The following CHD2 variants were observed in gnomAD, a reference collection of about 807,000 sequenced individuals.
CHD2 encodes the protein ATP-dependent chromatin remodeler CHD2.
A neutral mutation model predicts 243.9 loss-of-function variants in CHD2; 28 were observed. The ratio of observed to expected loss-of-function variants is 0.11; its 90% confidence interval spans 0.09 to 0.16. The LOEUF (loss-of-function observed/expected upper bound fraction) is 0.16. Among genes scored for constraint, CHD2 ranks in the 10% least tolerant of loss-of-function variants. The pLI, the probability that CHD2 is intolerant of heterozygous loss-of-function variation, is 1.00. For synonymous variants in CHD2, 775 were observed against 779.0 expected, an observed-to-expected ratio of 0.99 and a Z score of 0.09; for missense variants, 1,386 against 2,209.8, an observed-to-expected ratio of 0.63 and a Z score of 7.47.
intron 5 of CHD2, among the ~76,000 whole-genome samples, chr15:92,936,513 CTG>C (rs2053269745): frequency 6.6e-6 from 1 of 152,126 alleles, no homozygotes; most frequent in Non-Finnish European, 1.5e-5. Context: ...TAAACTAAAA[CTG>C]TTTGGGATAG....
intron 24 of CHD2, among the ~76,000 whole-genome samples, chr15:92,983,702 C>T (rs1035148997): frequency 3.3e-5 from 5 of 152,090 alleles, no homozygotes; most frequent in African/African-American, 7.2e-5. Flanking sequence ...AAATACATAT[C>T]GGATATTAAA....
At chr15:92,939,536 A>G (rs1488667832) in intron 6 of CHD2, 42 bp from the exon 7 acceptor site, 1 of 1,594,212 alleles carries the variant, frequency 6.3e-7, no homozygotes, top group Admixed American at 1.8e-5. Flanking sequence ...ACACCAAATG[A>G]TAAAGTGAAG....
At chr15:92,949,538 A>G (rs901423267) in intron 13 of CHD2, among the ~76,000 whole-genome samples, 4 of 152,066 alleles carry the variant, frequency 2.6e-5, no homozygotes, top group Non-Finnish European at 2.9e-5. Flanking sequence ...CTCCCTACCT[A>G]TATAGTCTGT....
intron 20 of CHD2, chr15:92,978,030 C>G (rs1436079358): frequency 3.4e-6 from 2 of 586,520 alleles, no homozygotes; most frequent in African/African-American, 1.9e-5. Flanking sequence ...TACTCCTGTT[C>G]ATGGCACTGA....
At chr15:92,958,695 C>T (rs943206880) in intron 16 of CHD2, among the ~76,000 whole-genome samples, 1 of 152,172 alleles carries the variant, frequency 6.6e-6, no homozygotes, top group Non-Finnish European at 1.5e-5. Context: ...TTTGACTTTT[C>T]AGTGGTATGA....
At chr15:92,973,036 A>G (rs764668099) in intron 19 of CHD2, among the ~76,000 whole-genome samples, 6 of 152,198 alleles carry the variant, frequency 3.9e-5, no homozygotes, top group Admixed American at 2.6e-4. Context: ...TTGCATGTGT[A>G]TGGTGAAAGT....
At chr15:92,961,103 T>G (rs1426439298) in intron 16 of CHD2, among the ~76,000 whole-genome samples, 1 of 152,180 alleles carries the variant, frequency 6.6e-6, no homozygotes, top group African/African-American at 2.4e-5. Flanking sequence ...GCTTTGGTTT[T>G]GGGATCATAA....
At position 93,010,220 on chromosome 15, in the gene CHD2, CTTG is replaced by C. The variant is rs575978974; in HGVS notation, c.4592+901_4592+903del. On this transcript the variant is annotated intron_variant, in intron 35 of 38. Coordinates refer to ENST00000394196, the MANE Select transcript of CHD2 (RefSeq NM_001271.4). ...GTATGTACCACATTTTCTTTATATA[CTTG>C]TTGGTTGATGGGCATTTAGGCTGGT... Among the ~76,000 whole-genome samples the C allele has an allele frequency of 3.2e-3, 493 of 152,176 alleles. 1 individual carries two copies. Among genetic ancestry groups the C allele is most frequent in the African/African-American group, 0.011 (471 of 41,508 alleles).
At chr15:92,974,365 T>A (rs941574402) in intron 19 of CHD2, among the ~76,000 whole-genome samples, 4 of 152,184 alleles carry the variant, frequency 2.6e-5, no homozygotes, top group African/African-American at 7.2e-5. Context: ...GGATATATGA[T>A]CAATTTTAAC....
chr15:92,914,830 A>G (rs1384786554), intron 2 of CHD2: 1 of 152,216 alleles, frequency 6.6e-6, no homozygotes, highest in Non-Finnish European at 1.5e-5. Flanking sequence ...GCATGGTGGA[A>G]CAATCGGTTT....
intron 16 of CHD2, among the ~76,000 whole-genome samples, chr15:92,958,548 A>G (rs539918722): frequency 1.3e-5 from 2 of 152,290 alleles, no homozygotes; most frequent in African/African-American, 2.4e-5. Flanking sequence ...TGCAACCTCT[A>G]TCATAAATGG....
intron 13 of CHD2, among the ~76,000 whole-genome samples, chr15:92,952,461 G>A (rs570074678): frequency 4.6e-5 from 7 of 152,216 alleles, no homozygotes; most frequent in East Asian, 3.9e-4. Flanking sequence ...GCAACTGGAC[G>A]GTCCCATCTG....
intron 12 of CHD2, 125 bp downstream of exon 12, chr15:92,946,341 G>T (rs77773700): frequency 1.4e-6 from 1 of 728,544 alleles, no homozygotes; most frequent in Non-Finnish European, 2.0e-6. Flanking sequence ...GTGAAAGAAG[G>T]TGATTTAAAT....
intron 2 of CHD2, chr15:92,904,639 C>G: frequency 1.6e-6 from 2 of 1,246,756 alleles, no homozygotes; most frequent in Non-Finnish European, 2.0e-6. Context: ...ATGGTTTATC[C>G]TCTTTGAGAA....
At chr15:92,923,319 G>A (rs1191634130) in intron 2 of CHD2, among the ~76,000 whole-genome samples, 1 of 152,048 alleles carries the variant, frequency 6.6e-6, no homozygotes, top group East Asian at 1.9e-4. Flanking sequence ...GGAGTACAGT[G>A]GCGTAATCAT....
At chr15:92,949,607 C>T (rs550966829) in intron 13 of CHD2, among the ~76,000 whole-genome samples, 223 of 152,060 alleles carry the variant, frequency 1.5e-3, no homozygotes, top group African/African-American at 4.8e-3. Flanking sequence ...TATAAGACCA[C>T]GTTAATCTTG....
chr15:93,022,600 C>T (rs181608960), intron 38 of CHD2, among the ~76,000 whole-genome samples: 3 of 152,240 alleles, frequency 2.0e-5, no homozygotes, highest in African/African-American at 7.2e-5. Flanking sequence ...GGGTAGTTTC[C>T]CCACATGCAC....
chr15:93,022,076 C>G (rs1420825393), intron 38 of CHD2: 1 of 152,196 alleles, frequency 6.6e-6, no homozygotes, highest in Non-Finnish European at 1.5e-5. Context: ...AGGTAAAGAG[C>G]CTCATTGCAC....
At chr15:92,991,798 C>T in intron 27 of CHD2, 1 of 280,476 alleles carries the variant, frequency 3.6e-6, no homozygotes, top group Non-Finnish European at 6.6e-6. Context: ...AAATAATTTC[C>T]AGAGAGATGT....
Sources: allele counts gnomAD v4.1 joint callset (sites outside exome capture counted in the v4.1 genomes callset), GRCh38; gene constraint gnomAD v4.1.1; transcripts MANE v1.5; gene names NCBI Gene and HGNC (gene_info 2026-07-23, HGNC 2026-07-21).